NRXN1: variants seen among roughly 807,000 people sequenced by gnomAD.
NRXN1 encodes neurexin-1.
NRXN1 carries 39 observed loss-of-function variants against 150.9 expected under a neutral mutation model. The ratio of observed to expected loss-of-function variants is 0.26; its 90% confidence interval spans 0.20 to 0.34. The LOEUF (loss-of-function observed/expected upper bound fraction) is 0.34. NRXN1 is among the 10% of genes least tolerant of loss of function. The probability of loss-of-function intolerance (pLI) is 1.00; values close to 1 mark genes in which losing one functional copy is unlikely to be tolerated. For synonymous variants in NRXN1, 924 were observed against 757.0 expected (o/e 1.22, Z -3.62); for missense variants, 1,815 against 1,949.9 (o/e 0.93, Z 1.30).
At chr2:50,445,453 C>G (rs151096423) in intron 17 of NRXN1, among the ~76,000 whole-genome samples, 26 of 152,278 alleles carry the variant, frequency 1.7e-4, no homozygotes, top group African/African-American at 6.0e-4. Context: ...TACAAGGAGG[C>G]TGTGTCCAAT....
chr2:50,505,387 C>A (rs905411128), intron 13 of NRXN1, among the ~76,000 whole-genome samples: 1 of 152,174 alleles, frequency 6.6e-6, no homozygotes, highest in African/African-American at 2.4e-5. Context: ...TCAAGAGGCA[C>A]TCAGAGATTT....
intron 18 of NRXN1, among the ~76,000 whole-genome samples, chr2:50,201,999 A>G (rs1035155997): frequency 6.6e-6 from 1 of 152,208 alleles, no homozygotes; most frequent in African/African-American, 2.4e-5. Flanking sequence ...ATACATTGTT[A>G]CTGAGTATCT....
intron 5 of NRXN1, among the ~76,000 whole-genome samples, chr2:50,901,976 A>G (rs780828806): frequency 2.0e-5 from 3 of 152,198 alleles, no homozygotes; most frequent in Non-Finnish European, 4.4e-5. Flanking sequence ...AATGAATAGA[A>G]CATTACTTGC....
At chr2:50,956,611 G>T (rs1164022688) in intron 2 of NRXN1, among the ~76,000 whole-genome samples, 4 of 152,018 alleles carry the variant, frequency 2.6e-5, no homozygotes, top group African/African-American at 9.7e-5. Flanking sequence ...AGCTGGGTGT[G>T]GTAGTGCATG....
chr2:50,594,466 G>C (rs1012390033), intron 8 of NRXN1, among the ~76,000 whole-genome samples: 6 of 152,152 alleles, frequency 3.9e-5, no homozygotes, highest in Non-Finnish European at 8.8e-5. Flanking sequence ...GTGAGTCATA[G>C]AGGAAGTCAT....
intron 5 of NRXN1, among the ~76,000 whole-genome samples, chr2:50,915,141 T>G (rs1685040670): frequency 6.6e-6 from 1 of 151,632 alleles, no homozygotes; most frequent in South Asian, 2.1e-4. Flanking sequence ...AATCTTGAAG[T>G]ATGTGAGAAT....
chr2:50,289,616 T>C (rs1465927543), intron 17 of NRXN1, among the ~76,000 whole-genome samples: 2 of 152,170 alleles, frequency 1.3e-5, no homozygotes, highest in Admixed American at 6.6e-5. Flanking sequence ...CTAAAGGCAA[T>C]TTACTATTAG....
intron 17 of NRXN1, among the ~76,000 whole-genome samples, chr2:50,451,477 T>C (rs1037068133): frequency 7.2e-5 from 11 of 152,206 alleles, no homozygotes; most frequent in African/African-American, 2.7e-4. Context: ...GTTAGTCACA[T>C]GTATTAACAT....
At chr2:49,950,570 TTC>T (rs1481137584) in intron 21 of NRXN1, among the ~76,000 whole-genome samples, 2 of 151,970 alleles carry the variant, frequency 1.3e-5, no homozygotes, top group Non-Finnish European at 2.9e-5. Flanking sequence ...TAATTTACTG[TTC>T]TCTCTCTGTT....
intron 19 of NRXN1, among the ~76,000 whole-genome samples, chr2:50,057,020 A>G (rs1693754747): frequency 1.3e-5 from 2 of 152,084 alleles, no homozygotes; most frequent in African/African-American, 2.4e-5. Flanking sequence ...CCCAATTACT[A>G]CTACAGTCTA....
intron 2 of NRXN1, among the ~76,000 whole-genome samples, chr2:50,962,246 C>T (rs1449722974): frequency 6.6e-6 from 1 of 151,788 alleles, no homozygotes; most frequent in Non-Finnish European, 1.5e-5. Flanking sequence ...TAACAAAAGG[C>T]GCCTCTCCCT....
At chr2:50,070,612 T>G (rs1317039052) in intron 19 of NRXN1, among the ~76,000 whole-genome samples, 7 of 151,212 alleles carry the variant, frequency 4.6e-5, no homozygotes, top group East Asian at 2.0e-4. Context: ...CTACTAAAAA[T>G]ACAAAAAATT....
At chr2:50,694,090 G>C (rs754830844) in intron 5 of NRXN1, among the ~76,000 whole-genome samples, 15 of 152,164 alleles carry the variant, frequency 9.9e-5, no homozygotes, top group Non-Finnish European at 1.5e-5. Context: ...ACCACGTCCA[G>C]CCCATAGCAT....
intron 18 of NRXN1, among the ~76,000 whole-genome samples, chr2:50,176,295 C>G (rs558315868): frequency 6.6e-6 from 1 of 152,118 alleles, no homozygotes; most frequent in African/African-American, 2.4e-5. Flanking sequence ...TCCAAGTCAA[C>G]AACTCAGTAA....
At chr2:50,339,625 C>T (rs540012919) in intron 17 of NRXN1, among the ~76,000 whole-genome samples, 2 of 152,294 alleles carry the variant, frequency 1.3e-5, no homozygotes, top group Admixed American at 6.5e-5. Context: ...GAAGTCTGTA[C>T]AGGAATCATC....
chr2:50,334,189 C>A (rs2077017488), intron 17 of NRXN1, among the ~76,000 whole-genome samples: 1 of 81,932 alleles, frequency 1.2e-5, no homozygotes, highest in African/African-American at 9.8e-5. Context: ...AAGACCAGGA[C>A]CAAATATATA....
chr2:50,558,530 G>C (rs757146221), intron 8 of NRXN1, among the ~76,000 whole-genome samples: 1 of 152,132 alleles, frequency 6.6e-6, no homozygotes, highest in African/African-American at 2.4e-5. Context: ...AGTAAGTAGA[G>C]GAATTTATTG....
chr2:50,851,938 C>A (rs1456542687), intron 5 of NRXN1, among the ~76,000 whole-genome samples: 1 of 152,096 alleles, frequency 6.6e-6, no homozygotes, highest in African/African-American at 2.4e-5. Context: ...CTTAATAGTG[C>A]CTTTGTTTTT....
intron 17 of NRXN1, among the ~76,000 whole-genome samples, chr2:50,391,248 A>G (rs1228591464): frequency 1.3e-5 from 2 of 152,118 alleles, no homozygotes; most frequent in Admixed American, 1.3e-4. Flanking sequence ...GAAAGATACA[A>G]GTAAATAAGA....
Sources: gnomAD v4.1 joint callset for allele counts (sites outside exome capture counted in the v4.1 genomes callset) on GRCh38, gnomAD v4.1.1 for gene constraint, MANE v1.5 for transcripts, NCBI Gene and HGNC (gene_info 2026-07-23, HGNC 2026-07-21) for gene names.